The following PLXNA4 variants were observed in gnomAD, a reference collection of about 807,000 sequenced individuals.
PLXNA4 encodes plexin-A4.
PLXNA4 carries 44 observed loss-of-function variants against 191.8 expected under a neutral mutation model. The ratio of observed to expected loss-of-function variants is 0.23; its 90% confidence interval spans 0.18 to 0.29. The LOEUF is 0.29. Ranked by LOEUF, PLXNA4 falls within the 10% of genes least tolerant of loss-of-function variation. PLXNA4 has a pLI of 1.00. For synonymous variants in PLXNA4, 1,082 were observed against 1,009.5 expected, an observed-to-expected ratio of 1.07 and a Z score of -1.36; for missense variants, 1,800 against 2,488.8, an observed-to-expected ratio of 0.72 and a Z score of 5.89.
intron 2 of PLXNA4, among the ~76,000 whole-genome samples, chr7:132,614,164 T>A (rs2116857844): frequency 6.6e-6 from 1 of 152,356 alleles, no homozygotes. Context: ...TAAAATTACA[T>A]TTTATTTATT....
Position 132,399,016 on chromosome 7 carries a change from C to G in PLXNA4, c.1371+90276G>C, listed in dbSNP as rs147783705. ...CCAGGTTTTTCTCAAGGCCTCTCAA[C>G]CACAGGGCTGGATAAGGGTTTTAGA... On this transcript the variant is annotated intron_variant, in intron 3 of 31. Transcript: ENST00000321063. 8.5e-3 allele frequency among the ~76,000 whole-genome samples: 1,298 copies of G among 152,308 alleles called. 24 individuals are homozygous for G. Among genetic ancestry groups the G allele is most frequent in the African/African-American group, 0.029 (1,206 of 41,562 alleles).
chr7:132,298,363 G>A, intron 3 of PLXNA4, 141 bp from the exon 4 acceptor site: 1 of 1,176,912 alleles, frequency 8.5e-7, no homozygotes, highest in Middle Eastern at 2.9e-4. Context: ...AAGCCAAGGA[G>A]TGGAGTGACA....
chr7:132,414,266 G>A (rs556249867), intron 3 of PLXNA4, among the ~76,000 whole-genome samples: 1 of 152,308 alleles, frequency 6.6e-6, no homozygotes, highest in South Asian at 2.1e-4. Flanking sequence ...CTTGCCAGCT[G>A]TGCCTTCCAG....
intron 22 of PLXNA4, among the ~76,000 whole-genome samples, chr7:132,166,124 G>A (rs1158142463): frequency 6.6e-6 from 1 of 151,974 alleles, no homozygotes; most frequent in African/African-American, 2.4e-5. Context: ...TTGAACCCAG[G>A]AGGTGGAGGT....
rs1309111097 is a variant in PLXNA4 at position 132,507,984 on chromosome 7, A to G, written c.710T>C (p.Ile237Thr). 1 of 1,614,214 alleles carries G rather than the reference A, an allele frequency of 6.2e-7. No homozygotes were observed. The highest frequency in any genetic ancestry group is 1.3e-5 in the African/African-American group (1 of 75,074). ...GACATAGTAGATATCAAAGTCAGGGATGATGGTGAAGGTGTCCGAAGGGAT... is the reference window on the plus strand; with the variant it reads ...GACATAGTAGATATCAAAGTCAGGGGTGATGGTGAAGGTGTCCGAAGGGAT... ...IKIPSDTFTIIPDFDIYYVYG... is the reference protein window; with the variant it reads ...IKIPSDTFTITPDFDIYYVYG... Residue 237 changes from isoleucine to threonine, a missense_variant, in exon 2 of 32, where the codon ATC (isoleucine) becomes ACC (threonine). Physicochemically the swap from Ile to Thr is moderately conservative, Grantham distance 89 (BLOSUM62 -1). Around this residue, in one of 6 missense-constraint regions of PLXNA4, gnomAD observed 1,397 missense variants for 1,880.4 expected, o/e 0.74. Coordinates refer to ENST00000321063, the MANE Select transcript of PLXNA4 (RefSeq NM_020911.2).
chr7:132,486,452 T>C (rs1010752674), intron 3 of PLXNA4, among the ~76,000 whole-genome samples: 2 of 152,232 alleles, frequency 1.3e-5, no homozygotes, highest in Admixed American at 1.3e-4. Context: ...CCAGCCTTCC[T>C]TTCCCAACTC....
intron 2 of PLXNA4, among the ~76,000 whole-genome samples, chr7:132,601,904 C>G (rs756276593): frequency 2.6e-5 from 4 of 152,196 alleles, no homozygotes; most frequent in Non-Finnish European, 5.9e-5. Context: ...GTTAAATCCC[C>G]ATTTCACACA....
chr7:132,494,693 T>C (rs897886055), intron 2 of PLXNA4, among the ~76,000 whole-genome samples: 1 of 152,190 alleles, frequency 6.6e-6, no homozygotes, highest in African/African-American at 2.4e-5. Context: ...ACCGTGCAAT[T>C]ACGTGTCGCC....
chr7:132,252,317 T>G (rs1194809391), intron 4 of PLXNA4, among the ~76,000 whole-genome samples: 9 of 129,138 alleles, frequency 7.0e-5, no homozygotes, highest in African/African-American at 2.8e-4. Flanking sequence ...TTTTTTTTTT[T>G]TTTTTTTTTT....
chr7:132,206,636 C>CT lies in PLXNA4; in HGVS notation c.2299-3218dup, dbSNP rs1331637030. On this transcript the variant is annotated intron_variant, in intron 10 of 31. Coordinates refer to ENST00000321063, the MANE Select transcript of PLXNA4 (RefSeq NM_020911.2). Reference sequence around the variant, plus strand: ...CCATGTGCTCCCCCTCAGCCCCGCTCTGTCTCTAGGGAAGTTTCCATTGTT... The same window carrying CT: ...CCATGTGCTCCCCCTCAGCCCCGCTCTTGTCTCTAGGGAAGTTTCCATTGTT... 5.3e-5 allele frequency among the ~76,000 whole-genome samples: 8 copies of CT among 152,292 alleles called. No homozygotes were observed. The Middle Eastern group carries it at 0.01, about 194-fold the overall frequency.
At chr7:132,140,367 T>C (rs1795232443) in intron 30 of PLXNA4, among the ~76,000 whole-genome samples, 1 of 152,144 alleles carries the variant, frequency 6.6e-6, no homozygotes, top group Non-Finnish European at 1.5e-5. Flanking sequence ...CAGGGCCTGT[T>C]ATCTAGGGAA....
At position 132,351,341 on chromosome 7, in the gene PLXNA4, CT is replaced by C. The variant is rs1434743129; in HGVS notation, c.1372-53120del. 4.6e-5 allele frequency among the ~76,000 whole-genome samples: 7 copies of C among 152,288 alleles called. No individual in the cohort carries two copies. The South Asian group carries it at 6.2e-4, about 14-fold the overall frequency. On this transcript the variant is annotated intron_variant, in intron 3 of 31. Coordinates refer to ENST00000321063, the MANE Select transcript of PLXNA4 (RefSeq NM_020911.2). ...TCATTAAAGCTGTTTTTTAAGAGTA[CT>C]TTAAATTCAAAAACTCTGCTTTTTA... is the stretch of plus-strand genomic sequence containing the variant.
In PLXNA4 at chr7:132,241,128, C is replaced by T. The variant is rs766051771; in HGVS notation, c.1542G>A (p.Gln514=). 5.0e-6 allele frequency: 8 copies of T among 1,613,172 alleles called. No homozygotes were observed. The highest frequency in any genetic ancestry group is 1.1e-5 in the South Asian group (1 of 90,946). The change falls in exon 5 of 32, where the codon CAG becomes CAA. Residue 514 remains glutamine, a synonymous_variant. Transcript: ENST00000321063. ...CTGAGCCAAGGCACTCGCCGCAGCT[C>T]TGATACTGACCACAGGACTCCACAG... The part of the protein sequence containing the change: ...RVPVESCGQY[Q]SCGECLGSGD...
chr7:132,350,353 A>C (rs552848309), intron 3 of PLXNA4, among the ~76,000 whole-genome samples: 1 of 152,074 alleles, frequency 6.6e-6, no homozygotes, highest in Admixed American at 6.5e-5. Context: ...AAAAAATACA[A>C]AAGTTAGCTG....
At chr7:132,562,816 T>C (rs1299892932) in intron 1 of PLXNA4, among the ~76,000 whole-genome samples, 73 of 70,758 alleles carry the variant, frequency 1.0e-3, no homozygotes, top group African/African-American at 1.3e-3. Context: ...TCCTCCTCCT[T>C]CTCCTCCTCC....
At chr7:132,565,651 AG>A (rs1801688019) in intron 1 of PLXNA4, among the ~76,000 whole-genome samples, 1 of 152,186 alleles carries the variant, frequency 6.6e-6, no homozygotes, top group Non-Finnish European at 1.5e-5. Context: ...ATTCTTTCTG[AG>A]GACCAAAGAG....
At chr7:132,313,793 A>T (rs528641704) in intron 3 of PLXNA4, among the ~76,000 whole-genome samples, 1 of 152,210 alleles carries the variant, frequency 6.6e-6, no homozygotes, top group South Asian at 2.1e-4. Flanking sequence ...ATGATATCAA[A>T]TCATTTCCCG....
intron 2 of PLXNA4, among the ~76,000 whole-genome samples, chr7:132,595,726 T>A (rs1802697922): frequency 6.6e-6 from 1 of 152,120 alleles, no homozygotes; most frequent in Non-Finnish European, 1.5e-5. Flanking sequence ...GCTGCCATTC[T>A]TTCTTCCCCC....
intron 2 of PLXNA4, among the ~76,000 whole-genome samples, chr7:132,595,156 A>G (rs966000302): frequency 6.6e-6 from 1 of 152,064 alleles, no homozygotes; most frequent in Non-Finnish European, 1.5e-5. Context: ...CACTTGAAAG[A>G]TTCTGTGACC....
Sources: allele counts gnomAD v4.1 joint callset (sites outside exome capture counted in the v4.1 genomes callset), GRCh38; gene constraint gnomAD v4.1.1; regional missense constraint gnomAD v4.1.1; transcripts MANE v1.5; gene names NCBI Gene and HGNC (gene_info 2026-07-23, HGNC 2026-07-21).